The following PIBF1 variants were observed in gnomAD, a reference collection of about 807,000 sequenced individuals.
PIBF1 encodes progesterone-induced-blocking factor 1.
In PIBF1, 90 loss-of-function variants were observed where a neutral mutation model predicts 112.5. That is an observed-to-expected ratio of 0.80 (90% CI 0.67 to 0.95). The LOEUF is 0.95. Among genes scored for constraint, PIBF1 ranks in the 40% least tolerant of loss-of-function variants. The pLI is 0.00. For synonymous variants in PIBF1, 301 were observed against 288.6 expected (o/e 1.04, Z -0.44); for missense variants, 915 against 852.3 (o/e 1.07, Z -0.92).
intron 16 of PIBF1, among the ~76,000 whole-genome samples, chr13:72,997,788 G>T (rs1292945504): frequency 6.6e-6 from 1 of 152,162 alleles, no homozygotes; most frequent in Admixed American, 6.5e-5. Flanking sequence ...CCACTGTTCT[G>T]TTCTGATAAA....
chr13:72,863,454 A>G lies in PIBF1; in HGVS notation c.1322+9299A>G, dbSNP rs188577746. 8.0e-3 allele frequency among the ~76,000 whole-genome samples: 1,210 copies of G among 152,036 alleles called. 14 individuals are homozygous for G. The highest frequency in any genetic ancestry group is 0.027 in the African/African-American group (1,139 of 41,484). On this transcript the variant is annotated intron_variant, in intron 10 of 17. Transcript: ENST00000326291. ...ATCACGAGGTCAGGAGATTGAGACC[A>G]TCCTGGCTAACACGGTGAAACCCCA...
intron 6 of PIBF1, among the ~76,000 whole-genome samples, chr13:72,823,214 A>G (rs1206213762): frequency 6.6e-6 from 1 of 152,232 alleles, no homozygotes; most frequent in African/African-American, 2.4e-5. Flanking sequence ...GATACAATAT[A>G]AAAAGAGAAA....
chr13:72,788,904 A>G (rs2034746670), intron 2 of PIBF1, among the ~76,000 whole-genome samples: 2 of 152,206 alleles, frequency 1.3e-5, no homozygotes. Flanking sequence ...TTATGGATAC[A>G]TGGCTTTATT....
intron 5 of PIBF1, among the ~76,000 whole-genome samples, chr13:72,809,930 G>A (rs1214874269): frequency 2.0e-5 from 3 of 152,112 alleles, no homozygotes; most frequent in African/African-American, 7.2e-5. Context: ...TACTCTTTCT[G>A]AAGTGGCAGT....
chr13:72,783,820 T>C, intron 2 of PIBF1, 99 bp downstream of exon 2: 1 of 1,095,272 alleles, frequency 9.1e-7, no homozygotes, highest in Non-Finnish European at 1.3e-6. Context: ...CTTGAAATGA[T>C]ACATTTATAT....
chr13:72,988,346 AT>A (rs1285029222), intron 16 of PIBF1, among the ~76,000 whole-genome samples: 1 of 152,078 alleles, frequency 6.6e-6, no homozygotes, highest in Middle Eastern at 3.2e-3. Context: ...AAATTTGTAT[AT>A]ACTTCTTTTG....
intron 11 of PIBF1, among the ~76,000 whole-genome samples, chr13:72,897,829 G>A (rs963979629): frequency 2.0e-5 from 3 of 152,288 alleles, no homozygotes; most frequent in South Asian, 2.1e-4. Flanking sequence ...TAAGAAATGA[G>A]ATAATCAGCA....
At chr13:72,907,238 T>A (rs1430078725) in intron 11 of PIBF1, among the ~76,000 whole-genome samples, 1 of 149,072 alleles carries the variant, frequency 6.7e-6, no homozygotes, top group Non-Finnish European at 1.5e-5. Flanking sequence ...AAGGAAATGA[T>A]CTGAAATAAG....
chr13:72,797,334 T>C (rs779491114), intron 4 of PIBF1, among the ~76,000 whole-genome samples: 1 of 152,116 alleles, frequency 6.6e-6, no homozygotes, highest in Non-Finnish European at 1.5e-5. Context: ...TGCCCTCAGG[T>C]TGTGAAAGTG....
intron 14 of PIBF1, among the ~76,000 whole-genome samples, chr13:72,960,298 C>T (rs557705791): frequency 6.6e-6 from 1 of 152,114 alleles, no homozygotes; most frequent in South Asian, 2.1e-4. Context: ...GTGGTCCTGG[C>T]GACTCAAGAG....
chr13:73,005,001 A>G (rs1263229478), intron 17 of PIBF1, among the ~76,000 whole-genome samples: 1 of 152,184 alleles, frequency 6.6e-6, no homozygotes, highest in African/African-American at 2.4e-5. Context: ...CCTGACCAAC[A>G]TGGAGAAATC....
At chr13:72,973,537 A>G in intron 15 of PIBF1, 54 bp from the exon 16 acceptor site, 1 of 820,718 alleles carries the variant, frequency 1.2e-6, no homozygotes. Flanking sequence ...ACCATTTATT[A>G]ACTATATTTA....
chr13:72,843,736 G>A (rs1172515804), intron 9 of PIBF1, among the ~76,000 whole-genome samples: 1 of 152,070 alleles, frequency 6.6e-6, no homozygotes, highest in African/African-American at 2.4e-5. Context: ...TTACAGATGT[G>A]GCAGCCCTGA....
At chr13:72,964,211 C>T (rs1420973745) in intron 14 of PIBF1, among the ~76,000 whole-genome samples, 1 of 152,164 alleles carries the variant, frequency 6.6e-6, no homozygotes, top group Admixed American at 6.5e-5. Flanking sequence ...AAACGTCACA[C>T]TAAGTGAAAT....
rs146344729 is a variant in PIBF1 at position 73,008,910 on chromosome 13, C to T, written c.2224-6959C>T. On this transcript the variant is annotated intron_variant, in intron 17 of 17. Coordinates refer to ENST00000326291, the MANE Select transcript of PIBF1 (RefSeq NM_006346.4). ...TATAAACTAAGAGTATAAGAGTCAG[C>T]ATCTTTAGGAATTGTGTCCCACTGC... is the stretch of plus-strand genomic sequence containing the variant. Among the ~76,000 whole-genome samples the T allele has an allele frequency of 3.5e-3, 531 of 152,272 alleles. 2 individuals carry two copies. Among genetic ancestry groups the T allele is most frequent in the African/African-American group, 0.012 (502 of 41,564 alleles).
At chr13:72,874,017 G>GT (rs1273282488) in intron 10 of PIBF1, among the ~76,000 whole-genome samples, 1 of 152,044 alleles carries the variant, frequency 6.6e-6, no homozygotes, top group Admixed American at 6.6e-5. Context: ...TAATCACCAG[G>GT]AAAATGGAAA....
At chr13:72,860,945 T>C (rs1005548920) in intron 10 of PIBF1, among the ~76,000 whole-genome samples, 3 of 152,208 alleles carry the variant, frequency 2.0e-5, no homozygotes, top group Admixed American at 6.5e-5. Context: ...AATCCCTGCA[T>C]GTACTCCTAA....
chr13:72,840,547 G>A (rs1296761205), intron 9 of PIBF1, among the ~76,000 whole-genome samples: 2 of 140,308 alleles, frequency 1.4e-5, no homozygotes, highest in Non-Finnish European at 3.0e-5. Flanking sequence ...TTTTTTTGAC[G>A]GAGTCTTGCT....
In PIBF1 at chr13:72,971,256, G is replaced by A. The variant is rs560343897; in HGVS notation, c.1965-2335G>A. On this transcript the variant is annotated intron_variant, in intron 15 of 17. Coordinates refer to ENST00000326291, the MANE Select transcript of PIBF1 (RefSeq NM_006346.4). ...GAATGTGAGTATATGCTTATATACCGTGGTTATAAGTGTATACATGTATAT... is the reference window on the plus strand; with the variant it reads ...GAATGTGAGTATATGCTTATATACCATGGTTATAAGTGTATACATGTATAT... Among the ~76,000 whole-genome samples, 60 of 151,620 alleles carry A rather than the reference G, an allele frequency of 4.0e-4. 1 individual carries two copies. The South Asian group carries it at 9.4e-3, about 24-fold the overall frequency.
Sources: gnomAD v4.1 joint callset for allele counts (sites outside exome capture counted in the v4.1 genomes callset) on GRCh38, gnomAD v4.1.1 for gene constraint, MANE v1.5 for transcripts, NCBI Gene and HGNC (gene_info 2026-07-23, HGNC 2026-07-21) for gene names.